MALRD1: variants seen among roughly 807,000 people sequenced by gnomAD.
MALRD1 encodes MAM and LDL receptor class A domain containing 1, also known as MAM and LDL-receptor class A domain-containing protein 1.
A neutral mutation model predicts 242.1 loss-of-function variants in MALRD1; 247 were observed. The observed-to-expected ratio is 1.02, with a 90% CI of 0.92 to 1.13. MALRD1 has a LOEUF of 1.13. Among genes scored for constraint, MALRD1 ranks in the 50% most tolerant of loss-of-function variants. MALRD1 has a pLI of 0.00. For missense variants in MALRD1, 2,989 were observed against 2,533.1 expected (o/e 1.18, Z -3.86); for synonymous variants, 995 against 866.6 (o/e 1.15, Z -2.60).
rs72782379 is a variant in MALRD1, at chr10:19,343,536, G to C, written c.3902-4235G>C. Among the ~76,000 whole-genome samples the C allele has an allele frequency of 1.8e-3, 279 of 152,108 alleles. 2 individuals are homozygous for C. The highest frequency in any genetic ancestry group is 3.1e-3 in the Non-Finnish European group (211 of 67,970). On this transcript the variant is annotated intron_variant, in intron 24 of 39. Transcript: ENST00000454679. ...CCTAACCTCAGGAAGCCACTACTTTGTTTTATATCTCTTTGCTTTATCATG... is the reference window on the plus strand; with the variant it reads ...CCTAACCTCAGGAAGCCACTACTTTCTTTTATATCTCTTTGCTTTATCATG...
chr10:19,358,430 A>G (rs1362543180), intron 26 of MALRD1, among the ~76,000 whole-genome samples: 4 of 152,164 alleles, frequency 2.6e-5, no homozygotes, highest in Non-Finnish European at 5.9e-5. Flanking sequence ...ATGCTGGTGT[A>G]GCAACTCAGT....
At chr10:19,208,854 G>T (rs546933963) in intron 17 of MALRD1, among the ~76,000 whole-genome samples, 261 of 152,226 alleles carry the variant, frequency 1.7e-3, no homozygotes, top group African/African-American at 5.8e-3. Flanking sequence ...GATGAATTCT[G>T]GGCTTCAGTG....
At chr10:19,378,828 A>G (rs1314853664) in intron 26 of MALRD1, among the ~76,000 whole-genome samples, 1 of 152,154 alleles carries the variant, frequency 6.6e-6, no homozygotes. Context: ...ATCATAAAAT[A>G]CACGTGAGAG....
At chr10:19,614,189 A>G (rs1426796551) in intron 35 of MALRD1, among the ~76,000 whole-genome samples, 1 of 152,078 alleles carries the variant, frequency 6.6e-6, no homozygotes, top group Non-Finnish European at 1.5e-5. Flanking sequence ...TTGTTTACAG[A>G]AAGCAAACAG....
chr10:19,717,483 C>T (rs896836895), intron 38 of MALRD1, among the ~76,000 whole-genome samples: 7 of 152,278 alleles, frequency 4.6e-5, no homozygotes, highest in Non-Finnish European at 5.9e-5. Context: ...TTTTCCCCTC[C>T]ATAACATCTG....
At chr10:19,529,546 A>C (rs111598262) in intron 31 of MALRD1, among the ~76,000 whole-genome samples, 1 of 128,614 alleles carries the variant, frequency 7.8e-6, no homozygotes, top group African/African-American at 3.4e-5. Flanking sequence ...AAAAAACAGG[A>C]GGGGGGGGGA....
intron 18 of MALRD1, among the ~76,000 whole-genome samples, chr10:19,221,105 G>T (rs1837536233): frequency 6.6e-6 from 1 of 152,100 alleles, no homozygotes; most frequent in South Asian, 2.1e-4. Flanking sequence ...TAGTGAAAGA[G>T]ATGGCATAAT....
At chr10:19,499,188 T>C (rs1258800185) in intron 31 of MALRD1, among the ~76,000 whole-genome samples, 1 of 152,202 alleles carries the variant, frequency 6.6e-6, no homozygotes, top group Non-Finnish European at 1.5e-5. Context: ...TTAATGGCTT[T>C]ACAGTTAATA....
chr10:19,374,975 C>A (rs149308666), intron 26 of MALRD1, among the ~76,000 whole-genome samples: 9 of 152,120 alleles, frequency 5.9e-5, no homozygotes, highest in African/African-American at 2.2e-4. Context: ...GTCCCTACCA[C>A]GTGCAATGAT....
chr10:19,243,811 C>G (rs780775035), intron 18 of MALRD1, among the ~76,000 whole-genome samples: 1 of 151,780 alleles, frequency 6.6e-6, no homozygotes, highest in Non-Finnish European at 1.5e-5. Context: ...CTTCAGAAGC[C>G]TAGGAAGTGG....
intron 18 of MALRD1, among the ~76,000 whole-genome samples, chr10:19,254,048 T>C (rs1235108925): frequency 6.6e-6 from 1 of 152,050 alleles, no homozygotes; most frequent in Non-Finnish European, 1.5e-5. Flanking sequence ...CTGCCACAAT[T>C]GTAAGTTTCT....
chr10:19,290,374 C>A (rs999029208), intron 21 of MALRD1: 3 of 152,180 alleles, frequency 2.0e-5, no homozygotes, highest in African/African-American at 7.2e-5. Flanking sequence ...TGAGTGGATT[C>A]TCCCTTTCTC....
At chr10:19,171,457 TAC>T (rs60515694) in intron 13 of MALRD1, among the ~76,000 whole-genome samples, 1,704 of 74,332 alleles carry the variant, frequency 0.023, 93 homozygotes, top group African/African-American at 0.044. Context: ...TATATATATA[TAC>T]ACACATGTAT....
chr10:19,538,184 G>A (rs1166871152), intron 32 of MALRD1, among the ~76,000 whole-genome samples: 1 of 152,072 alleles, frequency 6.6e-6, no homozygotes, highest in Non-Finnish European at 1.5e-5. Flanking sequence ...AAACTATGCT[G>A]ATTTATCTCA....
chr10:19,193,739 A>G (rs1021111337), intron 14 of MALRD1, among the ~76,000 whole-genome samples: 1 of 152,038 alleles, frequency 6.6e-6, no homozygotes, highest in African/African-American at 2.4e-5. Flanking sequence ...AAGCAACTTG[A>G]GTTTTAGCTT....
chr10:19,331,665 G>C (rs760363064), intron 24 of MALRD1, 83 bp downstream of exon 24: 197 of 1,137,190 alleles, frequency 1.7e-4, no homozygotes, highest in Non-Finnish European at 2.4e-4. Flanking sequence ...GTTGAAACAT[G>C]CAGAGTGTGT....
intron 14 of MALRD1, among the ~76,000 whole-genome samples, chr10:19,193,382 C>T (rs531474021): frequency 1.3e-4 from 20 of 152,032 alleles, no homozygotes; most frequent in Non-Finnish European, 1.9e-4. Context: ...ATGGCAAAAC[C>T]TCATCTCTAC....
At chr10:19,667,732 C>T (rs747391572) in intron 36 of MALRD1, among the ~76,000 whole-genome samples, 6 of 152,114 alleles carry the variant, frequency 3.9e-5, no homozygotes, top group Non-Finnish European at 8.8e-5. Context: ...AGATGCAGCA[C>T]CATGCTTTCT....
intron 2 of MALRD1, among the ~76,000 whole-genome samples, chr10:19,070,764 T>C (rs1835119862): frequency 6.6e-6 from 1 of 151,636 alleles, no homozygotes; most frequent in African/African-American, 2.4e-5. Context: ...GGATGCATTA[T>C]ATATATTTTT....
Sources: allele counts gnomAD v4.1 joint callset (sites outside exome capture counted in the v4.1 genomes callset), GRCh38; gene constraint gnomAD v4.1.1; transcripts MANE v1.5; gene names NCBI Gene and HGNC (gene_info 2026-07-23, HGNC 2026-07-21).